HPRT1: variants seen among roughly 807,000 people sequenced by gnomAD.
The protein encoded by HPRT1 is hypoxanthine-guanine phosphoribosyltransferase.
In HPRT1, 4 loss-of-function variants were observed where a neutral mutation model predicts 19.0. The observed-to-expected ratio is 0.21, with a 90% confidence interval of 0.10 to 0.48. The LOEUF is 0.48. HPRT1 is among the 20% of genes least tolerant of loss of function. The pLI is 0.98. For synonymous variants in HPRT1, 53 were observed against 54.9 expected (o/e 0.97, Z 0.15); for missense variants, 65 against 164.0 (o/e 0.40, Z 3.30).
chrX:134,472,943 A>G (rs2077614418), intron 1 of HPRT1, among the ~76,000 whole-genome samples: 1 of 110,112 alleles, frequency 9.1e-6, no homozygotes, highest in Non-Finnish European at 1.9e-5. Context: ...GCTGGAGTGA[A>G]GTGGCGCATT....
chrX:134,490,664 T>G (rs2077664098), intron 5 of HPRT1, among the ~76,000 whole-genome samples: 1 of 107,617 alleles, frequency 9.3e-6, no homozygotes, highest in Non-Finnish European at 1.9e-5. Flanking sequence ...TACCAGCTAG[T>G]AAACTAAGGG....
intron 7 of HPRT1, 29 bp downstream of exon 7, chrX:134,498,465 T>C (rs201069506): frequency 1.8e-6 from 2 of 1,116,551 alleles, no homozygotes; most frequent in African/African-American, 3.6e-5. Flanking sequence ...TTGTCAATCA[T>C]TTAACCATCT....
intron 1 of HPRT1, among the ~76,000 whole-genome samples, chrX:134,461,910 T>C (rs1292072311): frequency 8.9e-6 from 1 of 112,324 alleles, no homozygotes; most frequent in Non-Finnish European, 1.9e-5. Flanking sequence ...CTGTTGTTTT[T>C]ATTCAGTTGC....
chrX:134,462,293 A>G (rs1262165473), intron 1 of HPRT1, among the ~76,000 whole-genome samples: 1 of 110,760 alleles, frequency 9.0e-6, no homozygotes, highest in African/African-American at 3.3e-5. Context: ...CGATTCTCCT[A>G]CCTCATCCCC....
In HPRT1 at chrX:134,496,614, A is replaced by G. The variant is rs769320432; in HGVS notation, c.486-1776A>G. Among the ~76,000 whole-genome samples, 5 of 112,262 alleles carry G rather than the reference A, an allele frequency of 4.5e-5. No individual in the cohort carries two copies. In the South Asian group the frequency reaches 1.5e-3, roughly 33 times the overall value. ...TGTTATGTTCTTTCTAAATGGAAATAGAATTGAAGTGTCTCCTCTCTCCAT... is the reference window on the plus strand; with the variant it reads ...TGTTATGTTCTTTCTAAATGGAAATGGAATTGAAGTGTCTCCTCTCTCCAT... On this transcript the variant is annotated intron_variant, in intron 6 of 8. Transcript: ENST00000298556.
At chrX:134,489,665 AGAG>A (rs1255040101) in intron 4 of HPRT1, among the ~76,000 whole-genome samples, 3 of 112,171 alleles carry the variant, frequency 2.7e-5, no homozygotes, top group Non-Finnish European at 5.6e-5. Context: ...GTTTATGGTG[AGAG>A]GAAGCATTGG....
At chrX:134,495,606 C>T (rs774863587) in intron 6 of HPRT1, among the ~76,000 whole-genome samples, 13 of 111,891 alleles carry the variant, frequency 1.2e-4, no homozygotes, top group African/African-American at 3.9e-4. Flanking sequence ...GGTTCTGGAA[C>T]TGTAAACATA....
intron 1 of HPRT1, among the ~76,000 whole-genome samples, chrX:134,464,235 A>C (rs1254458838): frequency 8.9e-6 from 1 of 112,316 alleles, no homozygotes; most frequent in East Asian, 2.8e-4. Context: ...AGCAAGTTAT[A>C]TATGTAGTTT....
intron 5 of HPRT1, among the ~76,000 whole-genome samples, chrX:134,491,086 C>T (rs1602747106): frequency 9.6e-6 from 1 of 103,992 alleles, no homozygotes; most frequent in African/African-American, 3.5e-5. Context: ...TATATATATG[C>T]AGCATTGTGC....
intron 1 of HPRT1, among the ~76,000 whole-genome samples, chrX:134,472,992 A>G (rs1308455349): frequency 9.1e-6 from 1 of 110,381 alleles, no homozygotes; most frequent in African/African-American, 3.3e-5. Flanking sequence ...GGTTCAAGTG[A>G]TTCTCCTGCC....
At position 134,460,239 on chromosome X, in the gene HPRT1, T is replaced by C; in HGVS notation, c.-73T>C. 1 of 1,063,156 alleles carries C rather than the reference T, an allele frequency of 9.4e-7. No individual in the cohort carries two copies. Among genetic ancestry groups the C allele is most frequent in the Non-Finnish European group, 1.2e-6 (1 of 806,074 alleles). 87.6% of individuals were successfully genotyped at this position (1,063,156 alleles called of 1,213,427 possible). ...GCGCGGCGCCGCCTCTTGCTGCGCC[T>C]CCGCCTCCTCCTCTGCTCCGCCACC... On this transcript the variant is annotated 5_prime_UTR_variant, in exon 1 of 9. Coordinates refer to ENST00000298556, the MANE Select transcript of HPRT1 (RefSeq NM_000194.3).
intron 3 of HPRT1, among the ~76,000 whole-genome samples, chrX:134,483,155 G>C (rs1047772226): frequency 9.0e-6 from 1 of 111,175 alleles, no homozygotes; most frequent in Non-Finnish European, 1.9e-5. Context: ...GTCTCATCAT[G>C]CCCTCTTGGG....
rs17881098 is a variant in HPRT1, at chrX:134,493,881, A to G, written c.485+291A>G. On this transcript the variant is annotated intron_variant, in intron 6 of 8. Transcript: ENST00000298556. The stretch of plus-strand genomic sequence containing the variant: ...GATTTTGGGCCCCCTTGCAAAATTA[A>G]GAATAAGGATTCCAAAGCGGGTGAG... Among the ~76,000 whole-genome samples, 16,348 of 111,138 alleles carry G rather than the reference A, an allele frequency of 0.15. 1,151 individuals carry two copies. The highest frequency in any genetic ancestry group is 0.26 in the African/African-American group (7,851 of 30,493).
chrX:134,473,807 C>T (rs1395631889), intron 2 of HPRT1, among the ~76,000 whole-genome samples: 1 of 112,039 alleles, frequency 8.9e-6, no homozygotes, highest in Non-Finnish European at 1.9e-5. Context: ...TATTATTATG[C>T]ACATCTAGCT....
intron 6 of HPRT1, among the ~76,000 whole-genome samples, chrX:134,495,002 C>T (rs1052770551): frequency 2.7e-5 from 3 of 111,073 alleles, no homozygotes; most frequent in Non-Finnish European, 5.7e-5. Context: ...AAATTAAACA[C>T]TAAGGAATAA....
chrX:134,484,756 A>G (rs1378138079), intron 3 of HPRT1, among the ~76,000 whole-genome samples: 1 of 111,967 alleles, frequency 8.9e-6, no homozygotes, highest in Non-Finnish European at 1.9e-5. Flanking sequence ...CATTGTGTAG[A>G]TGAACTTGAT....
chrX:134,491,760 TCTCA>T (rs1018827939), intron 5 of HPRT1, among the ~76,000 whole-genome samples: 2 of 106,563 alleles, frequency 1.9e-5, no homozygotes, highest in Admixed American at 1.0e-4. Context: ...TAAGACAGAG[TCTCA>T]CTCTGTCACC....
At chrX:134,486,856 G>A in intron 4 of HPRT1, among the ~76,000 whole-genome samples, 1 of 107,969 alleles carries the variant, frequency 9.3e-6, no homozygotes, top group South Asian at 4.1e-4. Context: ...GAGTCTATGT[G>A]AGGTAGACTC....
Position 134,481,919 on chromosome X carries a change from C to T in HPRT1, c.319-4546C>T, listed in dbSNP as rs1344814095. Among the ~76,000 whole-genome samples the T allele has an allele frequency of 5.4e-5, 6 of 112,116 alleles. No individual in the cohort carries two copies. In the East Asian group the frequency reaches 1.7e-3, roughly 31 times the overall value. ...AGCCATGAGAAGTGGTTCTGTTGCA[C>T]ACGTTTATTTTATCAGATCCTAATC... On this transcript the variant is annotated intron_variant, in intron 3 of 8. Transcript: ENST00000298556.
Sources: allele counts gnomAD v4.1 joint callset (sites outside exome capture counted in the v4.1 genomes callset), GRCh38; gene constraint gnomAD v4.1.1; transcripts MANE v1.5; gene names NCBI Gene and HGNC (gene_info 2026-07-23, HGNC 2026-07-21).